AKAP6: variants seen among roughly 807,000 people sequenced by gnomAD.
AKAP6 encodes A-kinase anchor protein 6.
A neutral mutation model predicts 188.5 loss-of-function variants in AKAP6; 58 were observed. That is an observed-to-expected ratio of 0.31 (90% confidence interval 0.25 to 0.38). The LOEUF (loss-of-function observed/expected upper bound fraction) is 0.38. AKAP6 is among the 10% of genes least tolerant of loss of function. AKAP6 has a pLI of 1.00. For synonymous variants in AKAP6, 989 were observed against 998.6 expected (o/e 0.99, Z 0.18); for missense variants, 2,710 against 2,740.0 (o/e 0.99, Z 0.24).
At chr14:32,509,466 A>G (rs1881060609) in intron 2 of AKAP6, among the ~76,000 whole-genome samples, 1 of 152,066 alleles carries the variant, frequency 6.6e-6, no homozygotes, top group Admixed American at 6.6e-5. Context: ...ACAGTCTGTT[A>G]TTAGTTTTTT....
At chr14:32,793,306 C>T (rs1311941533) in intron 12 of AKAP6, among the ~76,000 whole-genome samples, 6 of 151,692 alleles carry the variant, frequency 4.0e-5, no homozygotes, top group Non-Finnish European at 5.9e-5. Context: ...CACACATAGG[C>T]TCAAAATAAA....
At position 32,837,460 on chromosome 14, in the gene AKAP6, A is replaced by G. The variant is rs1267949358; in HGVS notation, c.*7655A>G. On this transcript the variant is annotated 3_prime_UTR_variant, in exon 14 of 14. Transcript: ENST00000280979. ...GCATAAGATCCTCTTTTAAATCCCAATATTCCCTAACCACTGGTTTATAAA... is the reference window on the plus strand; with the variant it reads ...GCATAAGATCCTCTTTTAAATCCCAGTATTCCCTAACCACTGGTTTATAAA... The G allele has an allele frequency of 6.6e-6, 1 of 152,202 alleles. No individual in the cohort carries two copies. The highest frequency in any genetic ancestry group is 2.4e-5 in the African/African-American group (1 of 41,446). 9.4% of individuals were successfully genotyped at this position (152,202 alleles called of 1,614,324 possible).
chr14:32,773,468 G>A (rs2032958515), intron 11 of AKAP6, among the ~76,000 whole-genome samples: 1 of 152,186 alleles, frequency 6.6e-6, no homozygotes, highest in African/African-American at 2.4e-5. Context: ...AGTGAAAAGT[G>A]TGGAGGAATG....
chr14:32,377,510 TGAGA>T (rs145177834), intron 1 of AKAP6, among the ~76,000 whole-genome samples: 5 of 149,036 alleles, frequency 3.4e-5, no homozygotes, highest in Non-Finnish European at 6.0e-5. Context: ...TGTACGTGCA[TGAGA>T]GAGAGAGAGA....
At chr14:32,752,108 T>C (rs1296092876) in intron 11 of AKAP6, among the ~76,000 whole-genome samples, 2 of 152,234 alleles carry the variant, frequency 1.3e-5, no homozygotes, top group African/African-American at 4.8e-5. Context: ...AATGGCTCCC[T>C]GTACAGATAT....
In AKAP6 at chr14:32,829,884, C is replaced by G. The variant is rs1279573830; in HGVS notation, c.*79C>G. The G allele has an allele frequency of 2.8e-6, 2 of 702,542 alleles. No homozygotes were observed. Among genetic ancestry groups the G allele is most frequent in the African/African-American group, 1.7e-5 (1 of 57,236 alleles). 43.5% of individuals were successfully genotyped at this position (702,542 alleles called of 1,614,324 possible). ...TGCAACTCAGGGGTGGCCTCATCCT[C>G]CCGCCCTGGGCTGGCCTCTGGTTCC... On this transcript the variant is annotated 3_prime_UTR_variant, in exon 14 of 14. Coordinates refer to ENST00000280979, the MANE Select transcript of AKAP6 (RefSeq NM_004274.5).
intron 7 of AKAP6, among the ~76,000 whole-genome samples, chr14:32,602,920 AGGCGTTAGAG>A (rs1458338548): frequency 6.6e-6 from 1 of 152,150 alleles, no homozygotes; most frequent in East Asian, 1.9e-4. Flanking sequence ...GTGTGGGACC[AGGCGTTAGAG>A]ATGAACAGCT....
intron 5 of AKAP6, among the ~76,000 whole-genome samples, chr14:32,595,074 TA>T (rs1336306532): frequency 1.3e-5 from 2 of 151,916 alleles, no homozygotes; most frequent in African/African-American, 4.8e-5. Flanking sequence ...CTTTTTTAAT[TA>T]AAAAAAATAT....
At chr14:32,723,143 T>C (rs1278801085) in intron 9 of AKAP6, among the ~76,000 whole-genome samples, 1 of 152,206 alleles carries the variant, frequency 6.6e-6, no homozygotes, top group Non-Finnish European at 1.5e-5. Flanking sequence ...ATCACAAGTC[T>C]TGTGAAGGGG....
intron 3 of AKAP6, among the ~76,000 whole-genome samples, chr14:32,538,179 G>A (rs923441761): frequency 6.6e-6 from 1 of 152,148 alleles, no homozygotes; most frequent in Non-Finnish European, 1.5e-5. Flanking sequence ...GTGACTCTAT[G>A]AGGATGTTTA....
chr14:32,583,574 A>G (rs1885083574), intron 5 of AKAP6, among the ~76,000 whole-genome samples: 1 of 152,224 alleles, frequency 6.6e-6, no homozygotes, highest in Non-Finnish European at 1.5e-5. Context: ...CCCTGCCCCC[A>G]GAGGTGGAGC....
At chr14:32,759,910 C>G (rs1015971778) in intron 11 of AKAP6, among the ~76,000 whole-genome samples, 3 of 152,210 alleles carry the variant, frequency 2.0e-5, no homozygotes, top group African/African-American at 7.2e-5. Flanking sequence ...GCAGGGACAG[C>G]TGTCCAAACT....
At chr14:32,779,037 A>G (rs2033156228) in intron 12 of AKAP6, among the ~76,000 whole-genome samples, 1 of 152,164 alleles carries the variant, frequency 6.6e-6, no homozygotes, top group Non-Finnish European at 1.5e-5. Context: ...AAAAGCCCCA[A>G]TTAAAAAGGA....
intron 2 of AKAP6, among the ~76,000 whole-genome samples, chr14:32,434,870 T>G (rs1348686273): frequency 6.6e-6 from 1 of 151,824 alleles, no homozygotes; most frequent in East Asian, 1.9e-4. Context: ...TTCAAATGAG[T>G]GTGGTCGGGG....
intron 2 of AKAP6, among the ~76,000 whole-genome samples, chr14:32,505,039 A>G (rs1160729679): frequency 6.6e-6 from 1 of 152,222 alleles, no homozygotes; most frequent in Non-Finnish European, 1.5e-5. Flanking sequence ...CCTGATATCA[A>G]TGGTGCAAGG....
At chr14:32,641,964 A>G (rs1887778299) in intron 7 of AKAP6, among the ~76,000 whole-genome samples, 1 of 152,184 alleles carries the variant, frequency 6.6e-6, no homozygotes, top group Non-Finnish European at 1.5e-5. Context: ...ACATGAAGAT[A>G]TCTTAAAGGA....
chr14:32,676,245 C>T (rs982546007), intron 7 of AKAP6, among the ~76,000 whole-genome samples: 1 of 152,100 alleles, frequency 6.6e-6, no homozygotes, highest in Non-Finnish European at 1.5e-5. Context: ...TCTCTGTAAT[C>T]TCAATTTTCT....
At chr14:32,791,139 G>A (rs2033597475) in intron 12 of AKAP6, among the ~76,000 whole-genome samples, 1 of 152,140 alleles carries the variant, frequency 6.6e-6, no homozygotes, top group Non-Finnish European at 1.5e-5. Context: ...ACTCAGTAAT[G>A]GGATTGCTGG....
At chr14:32,741,681 T>C (rs2031680820) in intron 11 of AKAP6, among the ~76,000 whole-genome samples, 1 of 152,112 alleles carries the variant, frequency 6.6e-6, no homozygotes, top group African/African-American at 2.4e-5. Context: ...TTTGCATATG[T>C]TGAACCATTC....
Sources: gnomAD v4.1 joint callset for allele counts (sites outside exome capture counted in the v4.1 genomes callset) on GRCh38, gnomAD v4.1.1 for gene constraint, MANE v1.5 for transcripts, NCBI Gene and HGNC (gene_info 2026-07-23, HGNC 2026-07-21) for gene names.